TPCN1: variants seen among roughly 807,000 people sequenced by gnomAD.
TPCN1 encodes the protein two pore segment channel 1.
A neutral mutation model predicts 108.8 loss-of-function variants in TPCN1; 52 were observed. The ratio of observed to expected loss-of-function variants is 0.48; its 90% CI spans 0.38 to 0.60. TPCN1 has a LOEUF of 0.60. TPCN1 is among the 20% of genes least tolerant of loss of function. The probability of loss-of-function intolerance (pLI) is 0.00; values close to 1 mark genes in which losing one functional copy is unlikely to be tolerated. For synonymous variants in TPCN1, 446 were observed against 433.7 expected, an observed-to-expected ratio of 1.03 and a Z score of -0.35; for missense variants, 806 against 1,072.8, an observed-to-expected ratio of 0.75 and a Z score of 3.47.
intron 3 of TPCN1, among the ~76,000 whole-genome samples, chr12:113,265,307 G>A (rs565886410): frequency 6.6e-6 from 1 of 152,300 alleles, no homozygotes; most frequent in East Asian, 1.9e-4. Context: ...ACAGCTCCAG[G>A]AGGAAGCACT....
chr12:113,260,227 C>G (rs982592687), intron 2 of TPCN1, 141 bp from the exon 3 acceptor site: 218 of 935,910 alleles, frequency 2.3e-4, no homozygotes, highest in Non-Finnish European at 3.1e-4. Context: ...ATTATCAGTA[C>G]ACAGCATGGA....
At chr12:113,279,810 C>T (rs529184123) in intron 14 of TPCN1, among the ~76,000 whole-genome samples, 14 of 152,070 alleles carry the variant, frequency 9.2e-5, no homozygotes, top group Non-Finnish European at 1.6e-4. Context: ...ATTGGGTGCT[C>T]GTATTATTTA....
Position 113,284,553 on chromosome 12 carries a change from CTG to C in TPCN1, c.1343-26_1343-25del. ...ATTTCTAAGCCCCCCTGTTATTTCT[CTG>C]TCTTTTACGGGCCTGTGTATTTCAG... On this transcript the variant is annotated intron_variant, in intron 15 of 27. Coordinates refer to ENST00000335509, the MANE Select transcript of TPCN1 (RefSeq NM_017901.6). This position sits in a 1 kb window ranked among gnomAD's most constrained non-coding sequence, Gnocchi z 4.1. The C allele has an allele frequency of 6.2e-7, 1 of 1,613,608 alleles. No individual in the cohort carries two copies. The highest frequency in any genetic ancestry group is 8.5e-7 in the Non-Finnish European group (1 of 1,179,810).
At position 113,268,906 on chromosome 12, in the gene TPCN1, T is replaced by C. The variant is rs1346015440; in HGVS notation, c.659+34T>C. On this transcript the variant is annotated intron_variant, in intron 6 of 27. Coordinates refer to ENST00000335509, the MANE Select transcript of TPCN1 (RefSeq NM_017901.6). This position sits in a 1 kb window ranked among gnomAD's most constrained non-coding sequence, Gnocchi z 7.3. ...CGGGTGGGGAGCTGGGCAGTCACTA[T>C]CCTGGCATGGCCTGACCTCTGGGCC... The C allele has an allele frequency of 6.2e-7, 1 of 1,612,470 alleles. No homozygotes were observed. Among genetic ancestry groups the C allele is most frequent in the Non-Finnish European group, 8.5e-7 (1 of 1,179,442 alleles).
At chr12:113,225,648 G>A (rs1367611907) in intron 1 of TPCN1, among the ~76,000 whole-genome samples, 5 of 151,948 alleles carry the variant, frequency 3.3e-5, no homozygotes, top group South Asian at 4.2e-4. Context: ...TCTGCCTTCC[G>A]GGTTCAAGCG....
At chr12:113,293,836 G>A (rs1418898979) in intron 27 of TPCN1, among the ~76,000 whole-genome samples, 1 of 152,160 alleles carries the variant, frequency 6.6e-6, no homozygotes, top group East Asian at 1.9e-4. Context: ...CTGCGGTCGG[G>A]CTGCTTGGTG....
In TPCN1 at chr12:113,234,962, C is replaced by T. The variant is rs201850241; in HGVS notation, c.112+7998C>T. On this transcript the variant is annotated intron_variant, in intron 2 of 27. Coordinates refer to ENST00000335509, the MANE Select transcript of TPCN1 (RefSeq NM_017901.6). ...AGTAGGCTGCCCCTGCTCTCTCTGACGTAGAACATACCGATTCACCCTTTG... is the reference window on the plus strand; with the variant it reads ...AGTAGGCTGCCCCTGCTCTCTCTGATGTAGAACATACCGATTCACCCTTTG... Among the ~76,000 whole-genome samples, 12 of 152,286 alleles carry T rather than the reference C, an allele frequency of 7.9e-5. No homozygotes were observed. The East Asian group carries it at 1.7e-3, about 22-fold the overall frequency.
chr12:113,244,413 G>A (rs1954268256), intron 2 of TPCN1: 1 of 985,474 alleles, frequency 1.0e-6, no homozygotes, highest in Non-Finnish European at 1.2e-6. Flanking sequence ...TTACTAACGT[G>A]TGTCAATAAT....
At chr12:113,291,818 G>A in intron 24 of TPCN1, 56 bp from the exon 25 acceptor site, 2 of 1,567,108 alleles carry the variant, frequency 1.3e-6, no homozygotes, top group Non-Finnish European at 1.8e-6. Flanking sequence ...CGCAGCCACG[G>A]ACACCTACCC....
chr12:113,245,791 C>T (rs1954358128), intron 2 of TPCN1: 4 of 365,132 alleles, frequency 1.1e-5, no homozygotes, highest in Non-Finnish European at 2.2e-5. Flanking sequence ...GCCCCCTGCG[C>T]CTGCTGGGTG....
rs189820178 is a variant in TPCN1, at chr12:113,231,823, G to C, written c.112+4859G>C. ...GCAGGTATGAGCAGAGGTATTTAAAGCCTGGAAACTAGGAATAACCTTGAA... is the reference window on the plus strand; with the variant it reads ...GCAGGTATGAGCAGAGGTATTTAAACCCTGGAAACTAGGAATAACCTTGAA... On this transcript the variant is annotated intron_variant, in intron 2 of 27. Coordinates refer to ENST00000335509, the MANE Select transcript of TPCN1 (RefSeq NM_017901.6). The surrounding 1 kb of genome is among the most constrained non-coding windows in gnomAD (Gnocchi z 4.3). 5.3e-5 allele frequency among the ~76,000 whole-genome samples: 8 copies of C among 152,312 alleles called. No homozygotes were observed. The East Asian group carries it at 1.5e-3, about 29-fold the overall frequency.
rs1955708654 is a variant in TPCN1, at chr12:113,277,294, C to T, written c.1114C>T (p.Pro372Ser). ...TGAAGGCCTCATGCGCTTCTACAAG[C>T]CCCGGATGAGTGCCAGGGAGCGCTA... The part of the protein sequence containing the change: ...QFEGLMRFYK[P>S]RMSARERYLT... The change falls in exon 12 of 28, where the codon CCC (proline) becomes TCC (serine). Residue 372 changes from proline (P) to serine (S), a missense_variant. Pro to Ser is a moderately conservative substitution (Grantham distance 74). Coordinates refer to ENST00000335509, the MANE Select transcript of TPCN1 (RefSeq NM_017901.6). 1 of 1,614,156 alleles carries T rather than the reference C, an allele frequency of 6.2e-7. No homozygotes were observed. The highest frequency in any genetic ancestry group is 1.3e-5 in the African/African-American group (1 of 75,048).
chr12:113,223,960 A>G (rs894237699), intron 1 of TPCN1, among the ~76,000 whole-genome samples: 2 of 152,246 alleles, frequency 1.3e-5, no homozygotes, highest in African/African-American at 4.8e-5. Flanking sequence ...ATCTAAGAGA[A>G]CAACTCCTAT....
chr12:113,233,787 T>G (rs1953785872), intron 2 of TPCN1, among the ~76,000 whole-genome samples: 1 of 152,196 alleles, frequency 6.6e-6, no homozygotes, highest in Non-Finnish European at 1.5e-5. Context: ...GGGGGGCCGT[T>G]ACTTTCAATA....
chr12:113,229,449 T>C (rs1953593243), intron 2 of TPCN1, among the ~76,000 whole-genome samples: 1 of 152,230 alleles, frequency 6.6e-6, no homozygotes, highest in Admixed American at 6.5e-5. Flanking sequence ...GCCTTGACCT[T>C]CTACCCCAGC....
At chr12:113,280,062 C>T in intron 14 of TPCN1, 89 bp from the exon 15 acceptor site, 2 of 1,063,338 alleles carry the variant, frequency 1.9e-6, no homozygotes, top group Admixed American at 3.5e-5. Context: ...GTGGTTGCAC[C>T]TGCCCAGAAA....
chr12:113,288,354 C>G lies in TPCN1; in HGVS notation c.1706+120C>G, dbSNP rs1956159859. On this transcript the variant is annotated intron_variant, in intron 20 of 27. Coordinates refer to ENST00000335509, the MANE Select transcript of TPCN1 (RefSeq NM_017901.6). This position sits in a 1 kb window ranked among gnomAD's most constrained non-coding sequence, Gnocchi z 4.8. ...TCCACAAAGGACTGCAATCGAGGGC[C>G]TGACGGGGCTCCAAGGAGCCTGGAA... is the stretch of plus-strand genomic sequence containing the variant. The G allele has an allele frequency of 1.3e-6, 2 of 1,528,498 alleles. No homozygotes were observed. The highest frequency in any genetic ancestry group is 1.2e-5 in the South Asian group (1 of 83,260). The allele number at this position is 1,528,498 out of a possible 1,614,324, so 94.7% of individuals were successfully genotyped here. A position where few individuals can be genotyped will look rare whatever the true frequency, so the allele number is the denominator to read the frequency against.
chr12:113,293,173 T>C, intron 26 of TPCN1, 96 bp from the exon 27 acceptor site: 13 of 1,604,066 alleles, frequency 8.1e-6, no homozygotes, highest in African/African-American at 1.3e-5. Flanking sequence ...AGTGACACAG[T>C]TGCAAAAGCC....
In TPCN1 at chr12:113,268,945, CT is replaced by C. The variant is rs879122039; in HGVS notation, c.659+75del. 2.5e-6 allele frequency: 4 copies of C among 1,572,788 alleles called. No homozygotes were observed. In the South Asian group the frequency reaches 4.5e-5, roughly 18 times the overall value. ...GACCTCTGGGCCAGTGGGGCAGGAG[CT>C]TGTGAGTCAGTTAGTGATGAGGTCG... On this transcript the variant is annotated intron_variant, in intron 6 of 27. Transcript: ENST00000335509. The surrounding 1 kb of genome is among the most constrained non-coding windows in gnomAD (Gnocchi z 7.3).
Sources: gnomAD v4.1 joint callset for allele counts (sites outside exome capture counted in the v4.1 genomes callset) on GRCh38, gnomAD v4.1.1 for gene constraint, Gnocchi (gnomAD v3.1) non-coding constraint, MANE v1.5 for transcripts, NCBI Gene and HGNC (gene_info 2026-07-23, HGNC 2026-07-21) for gene names.